ZFPM2: variants seen among roughly 807,000 people sequenced by gnomAD.
The protein encoded by ZFPM2 is zinc finger protein ZFPM2.
ZFPM2 carries 20 observed loss-of-function variants against 98.6 expected under a neutral mutation model. The ratio of observed to expected loss-of-function variants is 0.20; its 90% CI spans 0.14 to 0.29. The LOEUF is 0.29. Ranked by LOEUF, ZFPM2 falls within the 10% of genes least tolerant of loss-of-function variation. The pLI, the probability that ZFPM2 is intolerant of heterozygous loss-of-function variation, is 1.00. For missense variants in ZFPM2, 1,310 were observed against 1,388.6 expected, an observed-to-expected ratio of 0.94 and a Z score of 0.90; for synonymous variants, 518 against 502.7, an observed-to-expected ratio of 1.03 and a Z score of -0.41.
Position 105,575,814 on chromosome 8 carries a change from C to T in ZFPM2, c.420+14333C>T, listed in dbSNP as rs577654259. ...CTGTACATTTTATATACTGTGGGTT[C>T]CTATTTTATGGCTAGATGAAATATG... On this transcript the variant is annotated intron_variant, in intron 4 of 7. Coordinates refer to ENST00000407775, the MANE Select transcript of ZFPM2 (RefSeq NM_012082.4). 2.4e-4 allele frequency among the ~76,000 whole-genome samples: 36 copies of T among 152,144 alleles called. No homozygotes were observed. In the South Asian group the frequency reaches 7.3e-3, roughly 31 times the overall value.
chr8:105,350,734 T>A (rs941701947), intron 1 of ZFPM2, among the ~76,000 whole-genome samples: 17 of 152,172 alleles, frequency 1.1e-4, no homozygotes, highest in African/African-American at 4.1e-4. Context: ...TATTTATTGG[T>A]GACTTTTGGA....
chr8:105,775,077 TAAAAAA>T, intron 5 of ZFPM2, among the ~76,000 whole-genome samples: 1 of 104,930 alleles, frequency 9.5e-6, no homozygotes, highest in Middle Eastern at 5.4e-3. Flanking sequence ...CTCTTGGAAT[TAAAAAA>T]AAAAAAAAAA....
chr8:105,636,884 T>C (rs563804323), intron 5 of ZFPM2, among the ~76,000 whole-genome samples: 102 of 152,302 alleles, frequency 6.7e-4, no homozygotes, highest in African/African-American at 2.0e-3. Context: ...CGTATGCTTT[T>C]TAAAGCTTAA....
At chr8:105,429,359 A>G (rs1226199077) in intron 2 of ZFPM2, among the ~76,000 whole-genome samples, 4 of 151,848 alleles carry the variant, frequency 2.6e-5, no homozygotes, top group African/African-American at 4.9e-5. Flanking sequence ...GACTACATAA[A>G]GAATTTTCTC....
intron 5 of ZFPM2, among the ~76,000 whole-genome samples, chr8:105,757,543 C>T (rs530451218): frequency 8.5e-5 from 13 of 152,150 alleles, no homozygotes; most frequent in Admixed American, 7.9e-4. Context: ...TTGGAATATA[C>T]TTTATGACTC....
At chr8:105,685,069 A>C (rs2130927432) in intron 5 of ZFPM2, 1 of 152,228 alleles carries the variant, frequency 6.6e-6, no homozygotes, top group East Asian at 1.9e-4. Flanking sequence ...AGAAAATGAA[A>C]ACAGTATAAA....
At chr8:105,503,352 T>C (rs955888937) in intron 3 of ZFPM2, among the ~76,000 whole-genome samples, 19 of 152,212 alleles carry the variant, frequency 1.2e-4, no homozygotes, top group African/African-American at 4.6e-4. Context: ...ACCTTTATCC[T>C]GACCTAGATT....
chr8:105,695,321 G>A (rs1810989864), intron 5 of ZFPM2, among the ~76,000 whole-genome samples: 1 of 148,766 alleles, frequency 6.7e-6, no homozygotes, highest in Non-Finnish European at 1.5e-5. Flanking sequence ...TGTCTTCGCA[G>A]ATTAAAGCCC....
At position 105,658,608 on chromosome 8, in the gene ZFPM2, A is replaced by AAAAG. The variant is rs1563508881; in HGVS notation, c.532+24255_532+24258dup. On this transcript the variant is annotated intron_variant, in intron 5 of 7. Transcript: ENST00000407775. ...TCTCAAAAAAAAAAAAAAAAAAAAA[A>AAAAG]AAAGAAATCAAAGCAGACTGCATCA... Among the ~76,000 whole-genome samples, 3 of 40,538 alleles carry AAAAG rather than the reference A, an allele frequency of 7.4e-5. 1 individual carries two copies. Among genetic ancestry groups the AAAAG allele is most frequent in the Non-Finnish European group, 1.5e-4 (3 of 20,548 alleles). The allele number at this position is 40,538 out of a possible 152,430, so 26.6% of individuals were successfully genotyped here. A position where few individuals can be genotyped will look rare whatever the true frequency, so the allele number is the denominator to read the frequency against.
chr8:105,737,932 A>G (rs1439634469), intron 5 of ZFPM2, among the ~76,000 whole-genome samples: 1 of 151,992 alleles, frequency 6.6e-6, no homozygotes, highest in Non-Finnish European at 1.5e-5. Context: ...TATTTTTTGT[A>G]TACATAAATT....
intron 1 of ZFPM2, among the ~76,000 whole-genome samples, chr8:105,348,960 A>G (rs550459437): frequency 6.6e-6 from 1 of 152,192 alleles, no homozygotes; most frequent in African/African-American, 2.4e-5. Flanking sequence ...CTACTTAAAA[A>G]TCATTTCCAA....
rs1286099452 is a variant in ZFPM2, at chr8:105,691,334, C to T, written c.532+56977C>T. 3.2e-5 allele frequency among the ~76,000 whole-genome samples: 4 copies of T among 123,322 alleles called. 1 individual carries two copies. Among genetic ancestry groups the T allele is most frequent in the Admixed American group, 7.7e-5 (1 of 13,048 alleles). 80.9% of individuals were successfully genotyped at this position (123,322 alleles called of 152,430 possible). A position where few individuals can be genotyped will look rare whatever the true frequency, so the allele number is the denominator to read the frequency against. On this transcript the variant is annotated intron_variant, in intron 5 of 7. Transcript: ENST00000407775. ...CGGGATCTCGGCTCACTGCAAGCTC[C>T]GCTTCCCGGGTTCACGCCATTCTCC...
At chr8:105,384,078 A>G (rs1810938541) in intron 1 of ZFPM2, among the ~76,000 whole-genome samples, 1 of 152,126 alleles carries the variant, frequency 6.6e-6, no homozygotes, top group African/African-American at 2.4e-5. Context: ...GTTGGAGAAT[A>G]TTAGACCAGT....
intron 3 of ZFPM2, among the ~76,000 whole-genome samples, chr8:105,526,660 C>T (rs1814180400): frequency 6.6e-6 from 1 of 152,218 alleles, no homozygotes; most frequent in Middle Eastern, 3.4e-3. Context: ...ACAAGCCACA[C>T]GGTTGGGTAA....
At chr8:105,594,437 C>T (rs1293028022) in intron 4 of ZFPM2, among the ~76,000 whole-genome samples, 3 of 152,070 alleles carry the variant, frequency 2.0e-5, no homozygotes, top group African/African-American at 7.2e-5. Flanking sequence ...TAAGTATTTA[C>T]TACTTTAACT....
intron 5 of ZFPM2, among the ~76,000 whole-genome samples, chr8:105,767,172 A>T (rs1812872578): frequency 6.6e-6 from 1 of 151,890 alleles, no homozygotes; most frequent in African/African-American, 2.4e-5. Context: ...AGGTGTAAAG[A>T]TTTCAAATGA....
intron 5 of ZFPM2, among the ~76,000 whole-genome samples, chr8:105,771,805 G>A (rs1350970189): frequency 6.6e-6 from 1 of 152,088 alleles, no homozygotes; most frequent in Non-Finnish European, 1.5e-5. Flanking sequence ...TTTTCTGTTT[G>A]TGGAGTTACA....
chr8:105,566,804 C>T (rs1191210895), intron 4 of ZFPM2, among the ~76,000 whole-genome samples: 1 of 152,128 alleles, frequency 6.6e-6, no homozygotes, highest in Non-Finnish European at 1.5e-5. Context: ...AAACTCATCG[C>T]AACCTGTTAA....
chr8:105,477,023 C>T (rs565805015), intron 3 of ZFPM2, among the ~76,000 whole-genome samples: 1 of 152,080 alleles, frequency 6.6e-6, no homozygotes, highest in South Asian at 2.1e-4. Flanking sequence ...ACAGCTATGC[C>T]GGTGTACTGT....
Sources: gnomAD v4.1 joint callset for allele counts (sites outside exome capture counted in the v4.1 genomes callset) on GRCh38, gnomAD v4.1.1 for gene constraint, MANE v1.5 for transcripts, NCBI Gene and HGNC (gene_info 2026-07-23, HGNC 2026-07-21) for gene names.